ABLIM1: variants seen among roughly 807,000 people sequenced by gnomAD.
ABLIM1 encodes actin binding LIM protein 1, also known as actin-binding LIM protein 1.
In ABLIM1, 40 loss-of-function variants were observed where a neutral mutation model predicts 107.0. That is an observed-to-expected ratio of 0.37 (90% confidence interval 0.29 to 0.49). The LOEUF is 0.49. Among genes scored for constraint, ABLIM1 ranks in the 20% least tolerant of loss-of-function variants. ABLIM1 has a pLI of 0.97. For missense variants in ABLIM1, 857 were observed against 1,008.5 expected (o/e 0.85, Z 2.04); for synonymous variants, 357 against 357.3 (o/e 1.00, Z 0.01).
At chr10:114,687,352 G>A (rs190038581), upstream of ABLIM1, among the ~76,000 whole-genome samples, 3 of 152,288 alleles carry the variant, frequency 2.0e-5, no homozygotes, top group East Asian at 5.8e-4. Flanking sequence ...GGGTTTTAGA[G>A]ATAATTTCCA....
the ABLIM1 span, among the ~76,000 whole-genome samples, chr10:114,799,483 C>T: frequency 6.6e-6 from 1 of 152,056 alleles, no homozygotes; most frequent in Non-Finnish European, 1.5e-5. Context: ...ACTCTTGATC[C>T]CCCCCTCCAA....
At chr10:114,636,137 C>A (rs1383853861) in intron 1 of ABLIM1, among the ~76,000 whole-genome samples, 2 of 152,086 alleles carry the variant, frequency 1.3e-5, no homozygotes, top group Admixed American at 6.6e-5. Context: ...CTGAGTCCAA[C>A]CTGGGAAGTC....
chr10:114,734,550 AC>A (rs1225955772), intron 1 of ABLIM1, among the ~76,000 whole-genome samples: 1 of 151,904 alleles, frequency 6.6e-6, no homozygotes, highest in Non-Finnish European at 1.5e-5. Context: ...TGGAAGGCCC[AC>A]CTCACCCTCT....
exon 1 of ABLIM1, chr10:114,684,485 G>A: frequency 4.8e-6 from 7 of 1,449,482 alleles, no homozygotes; most frequent in Non-Finnish European, 6.4e-6. Context: ...TGGACCCGAG[G>A]GAGGGGTGTG....
At chr10:114,543,171 G>A (rs116309063) in intron 6 of ABLIM1, among the ~76,000 whole-genome samples, 5,240 of 152,148 alleles carry the variant, frequency 0.034, 121 homozygotes, top group East Asian at 0.074. Flanking sequence ...TGAAATGCAC[G>A]TACTATAAAA....
chr10:114,766,287 T>C (rs2082891127), intron 1 of ABLIM1, among the ~76,000 whole-genome samples: 1 of 152,206 alleles, frequency 6.6e-6, no homozygotes, highest in African/African-American at 2.4e-5. Flanking sequence ...TTTTTCCCTC[T>C]ACAAGATTAG....
At chr10:114,511,367 T>A (rs12781910) in intron 6 of ABLIM1, among the ~76,000 whole-genome samples, 19,791 of 151,928 alleles carry the variant, frequency 0.13, 1,654 homozygotes, top group Middle Eastern at 0.19. Flanking sequence ...CTCACCTCTT[T>A]AAAAAAATTT....
intron 1 of ABLIM1, among the ~76,000 whole-genome samples, chr10:114,627,723 T>G (rs1163023556): frequency 6.6e-6 from 1 of 152,198 alleles, no homozygotes; most frequent in South Asian, 2.1e-4. Context: ...AGGAAGGCCT[T>G]TATTAGTCCT....
At chr10:114,602,021 T>C (rs777299101) in intron 1 of ABLIM1, 60 bp from the exon 2 acceptor site, 7 of 1,599,578 alleles carry the variant, frequency 4.4e-6, no homozygotes, top group Admixed American at 1.7e-5. Context: ...AAAGGGGTCA[T>C]CATGGTATCT....
chr10:114,641,247 T>TAAAAAAAAAAA (rs35168530), intron 1 of ABLIM1, among the ~76,000 whole-genome samples: 1 of 37,084 alleles, frequency 2.7e-5, no homozygotes, highest in Non-Finnish European at 5.6e-5. Context: ...AAGCCAATCA[T>TAAAAAAAAAAA]AAAAAAAAAA....
chr10:114,793,961 T>TA, the ABLIM1 span, among the ~76,000 whole-genome samples: 1 of 152,236 alleles, frequency 6.6e-6, no homozygotes, highest in Non-Finnish European at 1.5e-5. Context: ...CTTCTGCAGT[T>TA]ACAGTCCTGT....
intron 6 of ABLIM1, among the ~76,000 whole-genome samples, chr10:114,511,743 AT>A (rs2061909788): frequency 6.6e-6 from 1 of 150,558 alleles, no homozygotes; most frequent in Admixed American, 6.6e-5. Context: ...ACTTGTTCTA[AT>A]TCTTTCAGTT....
upstream of ABLIM1, among the ~76,000 whole-genome samples, chr10:114,685,653 T>A (rs1309034793): frequency 6.6e-6 from 1 of 152,154 alleles, no homozygotes; most frequent in Non-Finnish European, 1.5e-5. Flanking sequence ...AGACAAAGAA[T>A]CACAACTGGA....
chr10:114,789,949 C>A, the ABLIM1 span, among the ~76,000 whole-genome samples: 1 of 152,248 alleles, frequency 6.6e-6, no homozygotes, highest in African/African-American at 2.4e-5. Context: ...CATGCCACCA[C>A]GCCCAGCTAA....
chr10:114,565,788 CT>C (rs577896964), intron 4 of ABLIM1, among the ~76,000 whole-genome samples: 182 of 101,038 alleles, frequency 1.8e-3, no homozygotes, highest in East Asian at 3.5e-3. Flanking sequence ...GAAATGATTT[CT>C]TTTTTTTTTT....
chr10:114,451,745 G>A, intron 13 of ABLIM1, 74 bp from the exon 14 acceptor site: 3 of 1,272,742 alleles, frequency 2.4e-6, no homozygotes, highest in Non-Finnish European at 3.3e-6. Flanking sequence ...TCAACCAAGG[G>A]GCAAATCAAA....
intron 1 of ABLIM1, among the ~76,000 whole-genome samples, chr10:114,626,719 C>A (rs534197057): frequency 6.6e-6 from 1 of 152,266 alleles, no homozygotes; most frequent in South Asian, 2.1e-4. Context: ...TATTGAAGTC[C>A]GAACCCCCAG....
At chr10:114,616,070 C>A (rs2077113465) in intron 1 of ABLIM1, among the ~76,000 whole-genome samples, 1 of 152,062 alleles carries the variant, frequency 6.6e-6, no homozygotes, top group Non-Finnish European at 1.5e-5. Context: ...CGGTGGCTCA[C>A]ACGTGTAATC....
rs553437757 is a variant in ABLIM1 at position 114,643,532 on chromosome 10, AAAGGGAGATGAC to A, written c.244+14413_244+14424del. On this transcript the variant is annotated intron_variant, in intron 1 of 22. Coordinates refer to ENST00000533213, the MANE Select transcript of ABLIM1 (RefSeq NM_002313.7). ...AATATATCTTCAGGATTTTTTAAGA[AAAGGGAGATGAC>A]ATAGCTTTAACTTTTTACTGATTAT... Among the ~76,000 whole-genome samples the A allele has an allele frequency of 3.6e-4, 55 of 152,240 alleles. 1 individual carries two copies. The South Asian group carries it at 5.8e-3, about 16-fold the overall frequency.
Sources: gnomAD v4.1 joint callset for allele counts (sites outside exome capture counted in the v4.1 genomes callset) on GRCh38, gnomAD v4.1.1 for gene constraint, MANE v1.5 for transcripts, NCBI Gene and HGNC (gene_info 2026-07-23, HGNC 2026-07-21) for gene names.